PRKACB: variants seen among roughly 807,000 people sequenced by gnomAD.
PRKACB encodes protein kinase cAMP-activated catalytic subunit beta.
A neutral mutation model predicts 51.4 loss-of-function variants in PRKACB; 16 were observed. The ratio of observed to expected loss-of-function variants is 0.31; its 90% CI spans 0.21 to 0.47. PRKACB has a LOEUF of 0.47. Among genes scored for constraint, PRKACB ranks in the 20% least tolerant of loss-of-function variants. PRKACB has a pLI of 1.00. For synonymous variants in PRKACB, 147 were observed against 154.4 expected, an observed-to-expected ratio of 0.95 and a Z score of 0.35; for missense variants, 309 against 464.5, an observed-to-expected ratio of 0.67 and a Z score of 3.08.
At chr1:84,197,202 G>A (rs1202431794) in intron 6 of PRKACB, among the ~76,000 whole-genome samples, 3 of 152,062 alleles carry the variant, frequency 2.0e-5, no homozygotes, top group Admixed American at 6.6e-5. Context: ...TGCCCTTTAC[G>A]ACTACAATAT....
At position 84,238,168 on chromosome 1, in the gene PRKACB, G is replaced by T. The variant is rs1440398140; in HGVS notation, c.*2863G>T. ...TCAACCTACCAAAAACGATATTGTGGCTTATGGGTATTGCTGTCTCATTCT... is the reference window on the plus strand; with the variant it reads ...TCAACCTACCAAAAACGATATTGTGTCTTATGGGTATTGCTGTCTCATTCT... On this transcript the variant is annotated 3_prime_UTR_variant, in exon 10 of 10. Coordinates refer to ENST00000370685, the MANE Select transcript of PRKACB (RefSeq NM_182948.4). The T allele has an allele frequency of 6.6e-6, 1 of 152,214 alleles. No individual in the cohort carries two copies. The highest frequency in any genetic ancestry group is 2.4e-5 in the African/African-American group (1 of 41,354). The allele number at this position is 152,214 out of a possible 1,614,324, so 9.4% of individuals were successfully genotyped here.
chr1:84,147,067 A>G (rs1571809650), intron 1 of PRKACB, among the ~76,000 whole-genome samples: 1 of 152,160 alleles, frequency 6.6e-6, no homozygotes, highest in East Asian at 1.9e-4. Context: ...TCTTCCTTTG[A>G]TCATAAATGT....
chr1:84,182,329 G>A lies in PRKACB; in HGVS notation c.378+1G>A. On this transcript the variant is annotated splice_donor_variant, in intron 3 of 9. Coordinates refer to ENST00000370685, the MANE Select transcript of PRKACB (RefSeq NM_182948.4). LOFTEE classifies it high-confidence loss of function. The stretch of plus-strand genomic sequence containing the variant: ...CATGAAGATCTTAGATAAGCAGAAG[G>A]TGAGTGTATTTGTTGTTATTTACCT... 1 of 1,555,714 alleles carries A rather than the reference G, an allele frequency of 6.4e-7. No homozygotes were observed. Among genetic ancestry groups the A allele is most frequent in the Non-Finnish European group, 8.7e-7 (1 of 1,151,650 alleles).
intron 1 of PRKACB, among the ~76,000 whole-genome samples, chr1:84,132,386 A>T (rs746697187): frequency 3.3e-5 from 5 of 152,202 alleles, no homozygotes; most frequent in Non-Finnish European, 5.9e-5. Context: ...AGCAAACATT[A>T]AACACAGCTT....
chr1:84,124,026 T>C (rs1205671098), intron 1 of PRKACB, among the ~76,000 whole-genome samples: 1 of 152,202 alleles, frequency 6.6e-6, no homozygotes, highest in Non-Finnish European at 1.5e-5. Context: ...GGCCTTTATT[T>C]CTGTCTGTGA....
Position 84,099,360 on chromosome 1 carries a change from ATAG to A in PRKACB, c.46+20995_46+20997del, listed in dbSNP as rs1353853457. On this transcript the variant is annotated intron_variant, in intron 1 of 8. Transcript: ENST00000370688. ...TAATTAATGTTGTATAGTCGAAGAC[ATAG>A]TAGTATGTTAGTTTATATATTTTCT... Among the ~76,000 whole-genome samples the A allele has an allele frequency of 2.3e-5, 3 of 128,250 alleles. No homozygotes were observed. In the East Asian group the frequency reaches 6.3e-4, roughly 27 times the overall value. The allele number at this position is 128,250 out of a possible 152,430, so 84.1% of individuals were successfully genotyped here. A position where few individuals can be genotyped will look rare whatever the true frequency, so the allele number is the denominator to read the frequency against.
intron 1 of PRKACB, among the ~76,000 whole-genome samples, chr1:84,129,829 G>C (rs900644816): frequency 6.6e-6 from 1 of 152,182 alleles, no homozygotes; most frequent in Admixed American, 6.5e-5. Flanking sequence ...AAATACAGTA[G>C]TGAATTTCCT....
intron 1 of PRKACB, among the ~76,000 whole-genome samples, chr1:84,081,948 A>G (rs1409070532): frequency 6.6e-6 from 1 of 152,186 alleles, no homozygotes; most frequent in Non-Finnish European, 1.5e-5. Context: ...AGTCAGTAGG[A>G]ATTAATCAAA....
chr1:84,110,252 TAAC>T (rs1324423588), intron 1 of PRKACB, among the ~76,000 whole-genome samples: 1 of 151,884 alleles, frequency 6.6e-6, no homozygotes, highest in Non-Finnish European at 1.5e-5. Context: ...CAATACAGTA[TAAC>T]AACTATTTAC....
Position 84,235,439 on chromosome 1 carries a change from C to T in PRKACB, c.*134C>T. 1.7e-6 allele frequency: 2 copies of T among 1,196,070 alleles called. No homozygotes were observed. The highest frequency in any genetic ancestry group is 2.4e-6 in the Non-Finnish European group (2 of 846,368). The allele number at this position is 1,196,070 out of a possible 1,614,324, so 74.1% of individuals were successfully genotyped here. A position where few individuals can be genotyped will look rare whatever the true frequency, so the allele number is the denominator to read the frequency against. ...CAACGACTGAGTGAGGTCTTTATTG[C>T]CATCATCCCGTGTGCGCACTCTGCA... is the stretch of plus-strand genomic sequence containing the variant. On this transcript the variant is annotated 3_prime_UTR_variant, in exon 10 of 10. Coordinates refer to ENST00000370685, the MANE Select transcript of PRKACB (RefSeq NM_182948.4).
intron 1 of PRKACB, among the ~76,000 whole-genome samples, chr1:84,155,363 A>C (rs1655364298): frequency 6.6e-6 from 1 of 152,200 alleles, no homozygotes; most frequent in African/African-American, 2.4e-5. Flanking sequence ...TTTATGAAAA[A>C]GTGAAGAAAA....
chr1:84,184,237 G>A (rs1664440281), intron 4 of PRKACB, 102 bp downstream of exon 4: 3 of 1,007,352 alleles, frequency 3.0e-6, no homozygotes, highest in Admixed American at 2.9e-5. Flanking sequence ...TGAAGAATAT[G>A]AATAAACAAA....
At chr1:84,180,104 A>G (rs189740035) in intron 2 of PRKACB, among the ~76,000 whole-genome samples, 5 of 144,704 alleles carry the variant, frequency 3.5e-5, no homozygotes, top group African/African-American at 1.3e-4. Flanking sequence ...ACGCATGCTT[A>G]TAGTAGCACA....
intron 1 of PRKACB, among the ~76,000 whole-genome samples, chr1:84,113,845 G>A (rs985885632): frequency 6.6e-6 from 1 of 152,096 alleles, no homozygotes; most frequent in South Asian, 2.1e-4. Flanking sequence ...GGTGAGAATG[G>A]AAAATGACCA....
At chr1:84,179,064 CA>C (rs1337200849) in intron 1 of PRKACB, 112 bp from the exon 2 acceptor site, 1 of 1,221,254 alleles carries the variant, frequency 8.2e-7, no homozygotes, top group African/African-American at 1.5e-5. Context: ...CATTTTATCA[CA>C]ATAGATGACA....
chr1:84,237,256 T>A lies in PRKACB; in HGVS notation c.*1951T>A, dbSNP rs1254254280. 2 of 152,646 alleles carry A rather than the reference T, an allele frequency of 1.3e-5. No homozygotes were observed. Among genetic ancestry groups the A allele is most frequent in the African/African-American group, 4.8e-5 (2 of 41,468 alleles). 9.5% of individuals were successfully genotyped at this position (152,646 alleles called of 1,614,324 possible). On this transcript the variant is annotated 3_prime_UTR_variant, in exon 10 of 10. Transcript: ENST00000370685. ...CGTATAAAATATTTTAATTTTCTTGTATTTCATTTAGACCCAAGAACATGC... is the reference window on the plus strand; with the variant it reads ...CGTATAAAATATTTTAATTTTCTTGAATTTCATTTAGACCCAAGAACATGC...
chr1:84,183,315 C>T (rs1333947305), intron 3 of PRKACB, among the ~76,000 whole-genome samples: 1 of 151,872 alleles, frequency 6.6e-6, no homozygotes, highest in East Asian at 1.9e-4. Context: ...AAATTACTTT[C>T]CCCTTCTATT....
chr1:84,190,229 G>A (rs543172265), intron 5 of PRKACB, among the ~76,000 whole-genome samples: 1 of 151,594 alleles, frequency 6.6e-6, no homozygotes. Context: ...ATTTGTTTTA[G>A]TTTTTAAACT....
intron 2 of PRKACB, chr1:84,181,608 A>C: frequency 8.5e-7 from 1 of 1,178,408 alleles, no homozygotes; most frequent in South Asian, 2.0e-5. Flanking sequence ...TTGTTGTTTT[A>C]GATAATACTG....
Sources: gnomAD v4.1 joint callset for allele counts (sites outside exome capture counted in the v4.1 genomes callset) on GRCh38, gnomAD v4.1.1 for gene constraint, MANE v1.5 for transcripts, NCBI Gene and HGNC (gene_info 2026-07-23, HGNC 2026-07-21) for gene names.